Variants in SERINC2 observed in about 807,000 individuals in gnomAD.
SERINC2 encodes the protein serine incorporator 2.
SERINC2 carries 56 observed loss-of-function variants against 54.2 expected under a neutral mutation model. The observed-to-expected ratio is 1.03, with a 90% CI of 0.83 to 1.29. The LOEUF (loss-of-function observed/expected upper bound fraction) is 1.29. SERINC2 is among the 50% of genes most tolerant of loss of function. The pLI is 0.00. For missense variants in SERINC2, 614 were observed against 607.4 expected, an observed-to-expected ratio of 1.01 and a Z score of -0.12; for synonymous variants, 272 against 253.1, an observed-to-expected ratio of 1.07 and a Z score of -0.71.
At position 31,414,420 on chromosome 1, in the gene SERINC2, GTT is replaced by G. The variant is rs1553131911; in HGVS notation, c.39+1117_39+1118del. 16 of 383,064 alleles carry G rather than the reference GTT, an allele frequency of 4.2e-5. No individual in the cohort carries two copies. In the African/African-American group the frequency reaches 6.0e-4, roughly 14 times the overall value. 23.7% of individuals were successfully genotyped at this position (383,064 alleles called of 1,614,324 possible). A position where few individuals can be genotyped will look rare whatever the true frequency, so the allele number is the denominator to read the frequency against. On this transcript the variant is annotated intron_variant, in intron 1 of 9. Transcript: ENST00000373709. ...ACTCGCTTTCCTTTGTCCCTGACGG[GTT>G]GTGTGTGTGTGTGTGTGTGTGTGTG...
chr1:31,421,758 T>A lies in SERINC2; in HGVS notation c.40-1935T>A, dbSNP rs370188740. On this transcript the variant is annotated intron_variant, in intron 1 of 9. Transcript: ENST00000373709. ...GAGTGGGTGCCCACCGCTCTTAGGA[T>A]GAAAACCAGTGTCCTGTTCCTGACT... Among the ~76,000 whole-genome samples, 5 of 152,314 alleles carry A rather than the reference T, an allele frequency of 3.3e-5. No homozygotes were observed. The East Asian group carries it at 7.7e-4, about 24-fold the overall frequency.
chr1:31,426,877 C>T (rs1257714300), intron 6 of SERINC2, 54 bp downstream of exon 6: 2 of 1,530,638 alleles, frequency 1.3e-6, no homozygotes, highest in African/African-American at 1.4e-5. Context: ...GTGGGTGGGA[C>T]TTCTTGTAGG....
At chr1:31,425,254 G>A (rs1641007353) in intron 3 of SERINC2, 76 bp from the exon 4 acceptor site, 7 of 1,111,474 alleles carry the variant, frequency 6.3e-6, no homozygotes, top group Non-Finnish European at 8.3e-6. Context: ...GGGGGCTCTG[G>A]GGCCAGGCCC....
chr1:31,413,257 G>A lies in SERINC2; in HGVS notation c.-9G>A. The A allele has an allele frequency of 4.1e-6, 5 of 1,215,790 alleles. No homozygotes were observed. The highest frequency in any genetic ancestry group is 5.1e-6 in the Non-Finnish European group (5 of 977,968). The allele number at this position is 1,215,790 out of a possible 1,614,324, so 75.3% of individuals were successfully genotyped here. A position where few individuals can be genotyped will look rare whatever the true frequency, so the allele number is the denominator to read the frequency against. On this transcript the variant is annotated 5_prime_UTR_variant, in exon 1 of 10. Transcript: ENST00000373709. This position sits in a 1 kb window ranked among gnomAD's most constrained non-coding sequence, Gnocchi z 5.0. ...CGGCGCCGGGCGCCCGAAGCCGGGA[G>A]CCGCCGCCATGGGGGCCTGCCTGGG... is the stretch of plus-strand genomic sequence containing the variant.
upstream of SERINC2, among the ~76,000 whole-genome samples, chr1:31,411,119 A>AG (rs1553131422): frequency 6.6e-6 from 1 of 152,052 alleles, no homozygotes; most frequent in African/African-American, 2.4e-5. Context: ...TGGGTAGGAG[A>AG]GGGGGTGGCC....
chr1:31,434,584 G>C lies in SERINC2; in HGVS notation c.*385G>C, dbSNP rs1553135461. 8.5e-6 allele frequency: 2 copies of C among 235,642 alleles called. No homozygotes were observed. Among genetic ancestry groups the C allele is most frequent in the East Asian group, 1.9e-4 (2 of 10,488 alleles). 14.6% of individuals were successfully genotyped at this position (235,642 alleles called of 1,614,324 possible). On this transcript the variant is annotated 3_prime_UTR_variant, in exon 10 of 10. Coordinates refer to ENST00000373709, the MANE Select transcript of SERINC2 (RefSeq NM_178865.5). ...CGGCACTGAAGCCCTGGTGTTCCTG[G>C]TCACGTCCCCCAGGGGACCCTGCCC...
intron 1 of SERINC2, among the ~76,000 whole-genome samples, chr1:31,421,353 C>A (rs572339174): frequency 6.6e-6 from 1 of 152,206 alleles, no homozygotes; most frequent in South Asian, 2.1e-4. Context: ...TGCTTTATGG[C>A]CTCTAAAACA....
At chr1:31,431,758 GAGAGGGTGGAGAGGGTGA>G (rs1303644506) in intron 8 of SERINC2, among the ~76,000 whole-genome samples, 35 of 151,456 alleles carry the variant, frequency 2.3e-4, no homozygotes, top group African/African-American at 5.6e-4. Flanking sequence ...AGATAGGGTG[GAGAGGGTGGAGAGGGTGA>G]ATAGGGTGGA....
chr1:31,409,963 C>G, upstream of SERINC2: 1 of 1,075,198 alleles, frequency 9.3e-7, no homozygotes, highest in Non-Finnish European at 1.3e-6. Flanking sequence ...ATTAGAGAAC[C>G]TTGGGGTGGG....
chr1:31,428,848 C>T (rs1641113741), intron 6 of SERINC2, 130 bp from the exon 7 acceptor site: 2 of 723,408 alleles, frequency 2.8e-6, no homozygotes. Flanking sequence ...TGGTGTTTTC[C>T]CTAAGTGGGG....
At chr1:31,417,516 C>G (rs1183733772) in intron 1 of SERINC2, among the ~76,000 whole-genome samples, 1 of 152,084 alleles carries the variant, frequency 6.6e-6, no homozygotes, top group Non-Finnish European at 1.5e-5. Context: ...ACTCCCTGCC[C>G]CCTCCCTTTT....
intron 1 of SERINC2, among the ~76,000 whole-genome samples, chr1:31,415,491 C>T (rs1640760614): frequency 6.6e-6 from 1 of 152,258 alleles, no homozygotes; most frequent in South Asian, 2.1e-4. Flanking sequence ...CCAACACTCG[C>T]AGCGTGGAGC....
At chr1:31,414,990 C>G (rs975513301) in intron 1 of SERINC2, among the ~76,000 whole-genome samples, 1 of 152,140 alleles carries the variant, frequency 6.6e-6, no homozygotes. Context: ...TGGAGAATTC[C>G]ATTTGGAGAC....
At chr1:31,421,942 C>T (rs1361297664) in intron 1 of SERINC2, among the ~76,000 whole-genome samples, 1 of 152,188 alleles carries the variant, frequency 6.6e-6, no homozygotes, top group Non-Finnish European at 1.5e-5. Flanking sequence ...TTCTTTCCTC[C>T]CTTTGGTCTG....
chr1:31,432,194 G>C (rs572403235), intron 8 of SERINC2, among the ~76,000 whole-genome samples: 1 of 142,652 alleles, frequency 7.0e-6, no homozygotes, highest in Admixed American at 6.9e-5. Flanking sequence ...AGGGTGGTTA[G>C]AGTGGAGAGA....
rs1279110474 is a variant in SERINC2, at chr1:31,428,868, G to A, written c.781-110G>A. On this transcript the variant is annotated intron_variant, in intron 6 of 9. Transcript: ENST00000373709. ...TTTTCCCTAAGTGGGGTGTGGTGGG[G>A]TATCCTAGGTGGGTGGGAGTTTCTG... 3 of 794,672 alleles carry A rather than the reference G, an allele frequency of 3.8e-6. No individual in the cohort carries two copies. In the Admixed American group the frequency reaches 5.8e-5, roughly 15 times the overall value. 49.2% of individuals were successfully genotyped at this position (794,672 alleles called of 1,614,324 possible). A position where few individuals can be genotyped will look rare whatever the true frequency, so the allele number is the denominator to read the frequency against.
chr1:31,432,002 A>ATAGGGTGGT (rs1641256527), intron 8 of SERINC2, among the ~76,000 whole-genome samples: 2 of 97,974 alleles, frequency 2.0e-5, no homozygotes, highest in African/African-American at 4.8e-5. Flanking sequence ...GATAGGGTGG[A>ATAGGGTGGT]TAGGGTGGAT....
At chr1:31,427,922 A>G (rs4949404) in intron 6 of SERINC2, among the ~76,000 whole-genome samples, 139,023 of 150,180 alleles carry the variant, frequency 0.93, 65,245 homozygotes, top group East Asian at 1. Flanking sequence ...TCCGCCTCCC[A>G]GGTTCAAGTG....
Position 31,433,203 on chromosome 1 carries a change from C to T in SERINC2, c.1232+18C>T. 1.2e-6 allele frequency: 2 copies of T among 1,606,508 alleles called. No homozygotes were observed. The highest frequency in any genetic ancestry group is 1.7e-6 in the Non-Finnish European group (2 of 1,173,940). ...TGGTACAAGTGCGTAGCTGGTGGGG[C>T]ATGGACAGAGCCCGGAGGTGCAGGG... On this transcript the variant is annotated intron_variant, in intron 9 of 9. Transcript: ENST00000373709.
Sources: allele counts gnomAD v4.1 joint callset (sites outside exome capture counted in the v4.1 genomes callset), GRCh38; gene constraint gnomAD v4.1.1; non-coding constraint Gnocchi (gnomAD v3.1); transcripts MANE v1.5; gene names NCBI Gene and HGNC (gene_info 2026-07-23, HGNC 2026-07-21).